The following ANO1 variants were observed in gnomAD, a reference collection of about 807,000 sequenced individuals.
ANO1 encodes anoctamin 1, also known as anoctamin-1.
Under a neutral mutation model 124.0 loss-of-function variants are expected in ANO1, and 59 were observed. That is an observed-to-expected ratio of 0.48 (90% CI 0.39 to 0.59). The LOEUF is 0.59. Ranked by LOEUF, ANO1 falls within the 20% of genes least tolerant of loss-of-function variation. The pLI is 0.00. For missense variants in ANO1, 1,059 were observed against 1,328.0 expected (o/e 0.80, Z 3.15); for synonymous variants, 529 against 532.0 (o/e 0.99, Z 0.08).
At chr11:70,041,087 G>C (rs1437848222) in intron 1 of ANO1, among the ~76,000 whole-genome samples, 1 of 152,172 alleles carries the variant, frequency 6.6e-6, no homozygotes, top group Admixed American at 6.5e-5. Context: ...ATGAGGCTGT[G>C]ATGCTTTGGG....
intron 2 of ANO1, among the ~76,000 whole-genome samples, chr11:70,089,187 C>T (rs2044521306): frequency 6.6e-6 from 1 of 152,182 alleles, no homozygotes. Flanking sequence ...ACCCAAGAAT[C>T]GACAAAGTCT....
At chr11:69,978,307 G>C in the ANO1 span, among the ~76,000 whole-genome samples, 1 of 152,138 alleles carries the variant, frequency 6.6e-6, no homozygotes, top group African/African-American at 2.4e-5. Context: ...GAAGCGGATG[G>C]ACTGGGTGCC....
At chr11:70,023,698 A>T (rs1265558772) in intron 1 of ANO1, among the ~76,000 whole-genome samples, 5 of 152,336 alleles carry the variant, frequency 3.3e-5, no homozygotes, top group East Asian at 3.9e-4. Flanking sequence ...AATGCCAAAT[A>T]TTTAAACCAT....
chr11:69,989,570 G>A (rs1591018693), intron 1 of ANO1, among the ~76,000 whole-genome samples: 1 of 152,230 alleles, frequency 6.6e-6, no homozygotes, highest in Non-Finnish European at 1.5e-5. Context: ...CAGGGCCACT[G>A]GAACCATGGG....
intron 1 of ANO1, among the ~76,000 whole-genome samples, chr11:70,029,056 A>ACAGGCTGAGATTT (rs1359951294): frequency 6.6e-6 from 1 of 152,226 alleles, no homozygotes; most frequent in Non-Finnish European, 1.5e-5. Context: ...TGCTGAGATT[A>ACAGGCTGAGATTT]CAGGCATGAG....
chr11:70,124,299 C>A, intron 8 of ANO1, 51 bp from the exon 9 acceptor site: 2 of 1,577,914 alleles, frequency 1.3e-6, no homozygotes, highest in Non-Finnish European at 1.7e-6. Flanking sequence ...TTCCGGGGAG[C>A]AACCTCGGAG....
chr11:70,129,008 G>A lies in ANO1; in HGVS notation c.1097+2813G>A, dbSNP rs538059581. On this transcript the variant is annotated intron_variant, in intron 10 of 25. Transcript: ENST00000355303. Reference sequence around the variant, plus strand: ...ACTGTGGCCTGGGCCACATGCTGGCGATGATGGGGATGGCCTTCCACATGC... The same window carrying A: ...ACTGTGGCCTGGGCCACATGCTGGCAATGATGGGGATGGCCTTCCACATGC... Among the ~76,000 whole-genome samples, 21 of 152,332 alleles carry A rather than the reference G, an allele frequency of 1.4e-4. No homozygotes were observed. The South Asian group carries it at 1.5e-3, about 11-fold the overall frequency.
At chr11:70,091,650 C>T (rs772555566) in intron 2 of ANO1, among the ~76,000 whole-genome samples, 1 of 152,194 alleles carries the variant, frequency 6.6e-6, no homozygotes, top group Admixed American at 6.5e-5. Context: ...TGCCAGCCAC[C>T]TCTGGGACCA....
At chr11:70,061,211 A>G (rs1302349578) in intron 1 of ANO1, among the ~76,000 whole-genome samples, 1 of 151,982 alleles carries the variant, frequency 6.6e-6, no homozygotes, top group African/African-American at 2.4e-5. Flanking sequence ...CTTTGAGTAG[A>G]GATGTTGAAG....
At chr11:70,013,828 A>AG (rs1856647965) in intron 1 of ANO1, among the ~76,000 whole-genome samples, 1 of 151,696 alleles carries the variant, frequency 6.6e-6, no homozygotes, top group African/African-American at 2.4e-5. Context: ...AGAAAAGAAA[A>AG]AGTGTCACTG....
chr11:70,161,413 C>A, intron 17 of ANO1, 51 bp downstream of exon 17: 3 of 1,580,702 alleles, frequency 1.9e-6, no homozygotes, highest in South Asian at 2.2e-5. Context: ...CAGCTGGAGT[C>A]GCCTGCCTCT....
intron 11 of ANO1, among the ~76,000 whole-genome samples, chr11:70,137,095 T>C (rs953946813): frequency 2.0e-5 from 3 of 147,622 alleles, no homozygotes; most frequent in African/African-American, 7.3e-5. Flanking sequence ...TTCCCAGGCC[T>C]ACAACCCAGC....
At chr11:69,968,138 G>A in the ANO1 span, among the ~76,000 whole-genome samples, 1 of 152,188 alleles carries the variant, frequency 6.6e-6, no homozygotes, top group African/African-American at 2.4e-5. Context: ...ATGAGCAAGT[G>A]AGGAAGCTGA....
At chr11:69,974,234 G>A in the ANO1 span, among the ~76,000 whole-genome samples, 9 of 151,734 alleles carry the variant, frequency 5.9e-5, no homozygotes, top group East Asian at 2.0e-4. Flanking sequence ...TGGGAGAAAC[G>A]CTTGAACCTG....
intron 14 of ANO1, 98 bp downstream of exon 14, chr11:70,153,226 C>A: frequency 1.8e-6 from 2 of 1,120,244 alleles, no homozygotes; most frequent in Non-Finnish European, 2.6e-6. Context: ...ATATTGTAGG[C>A]TGTGTAACCC....
chr11:70,078,561 T>G lies in ANO1; in HGVS notation c.-46T>G. 15 of 1,332,622 alleles carry G rather than the reference T, an allele frequency of 1.1e-5. No individual in the cohort carries two copies. Among genetic ancestry groups the G allele is most frequent in the East Asian group, 7.9e-5 (2 of 25,188 alleles). The allele number at this position is 1,332,622 out of a possible 1,614,324, so 82.5% of individuals were successfully genotyped here. ...CCGCAGAGGCCGCCGGGGCCGTGGATGGGGAGGGCGCGCCGCCCGGCGGTC... is the reference window on the plus strand; with the variant it reads ...CCGCAGAGGCCGCCGGGGCCGTGGAGGGGGAGGGCGCGCCGCCCGGCGGTC... On this transcript the variant is annotated 5_prime_UTR_variant, in exon 1 of 26. The change abolishes an upstream ATG in the 5' untranslated region. Coordinates refer to ENST00000355303, the MANE Select transcript of ANO1 (RefSeq NM_018043.7).
chr11:70,063,311 A>C (rs556219711), intron 1 of ANO1, among the ~76,000 whole-genome samples: 10 of 152,332 alleles, frequency 6.6e-5, no homozygotes, highest in African/African-American at 1.9e-4. Flanking sequence ...AGGCAAGATC[A>C]GGGAGAATTT....
intron 7 of ANO1, 120 bp from the exon 8 acceptor site, chr11:70,116,338 G>A: frequency 9.5e-7 from 1 of 1,052,576 alleles, no homozygotes; most frequent in South Asian, 1.5e-5. Flanking sequence ...GTTGCCCCAG[G>A]ATGATCTTAA....
At chr11:70,123,883 C>CT (rs1266367520) in intron 8 of ANO1, among the ~76,000 whole-genome samples, 1 of 152,174 alleles carries the variant, frequency 6.6e-6, no homozygotes, top group Non-Finnish European at 1.5e-5. Flanking sequence ...TGCCCAAAGC[C>CT]TGGGGGGGTA....
Sources: allele counts gnomAD v4.1 joint callset (sites outside exome capture counted in the v4.1 genomes callset), GRCh38; gene constraint gnomAD v4.1.1; transcripts MANE v1.5; gene names NCBI Gene and HGNC (gene_info 2026-07-23, HGNC 2026-07-21).